PARD3: variants seen among roughly 807,000 people sequenced by gnomAD.
PARD3 encodes the protein par-3 family cell polarity regulator.
PARD3 carries 75 observed loss-of-function variants against 155.4 expected under a neutral mutation model. That is an observed-to-expected ratio of 0.48 (90% CI 0.40 to 0.58). The LOEUF is 0.58. Ranked by LOEUF, PARD3 falls within the 20% of genes least tolerant of loss-of-function variation. The probability of loss-of-function intolerance (pLI) is 0.00; values close to 1 mark genes in which losing one functional copy is unlikely to be tolerated. For synonymous variants in PARD3, 576 were observed against 610.5 expected, an observed-to-expected ratio of 0.94 and a Z score of 0.83; for missense variants, 1,642 against 1,721.7, an observed-to-expected ratio of 0.95 and a Z score of 0.82.
At chr10:34,681,730 TTATATATATATATA>T (rs71487904) in intron 2 of PARD3, among the ~76,000 whole-genome samples, 559 of 29,942 alleles carry the variant, frequency 0.019, 20 homozygotes, top group African/African-American at 0.052. Flanking sequence ...CGTATGTATT[TTATATATATATATA>T]TATATATATA....
chr10:34,245,922 T>C (rs1045964255), intron 22 of PARD3, among the ~76,000 whole-genome samples: 6 of 152,092 alleles, frequency 3.9e-5, no homozygotes, highest in African/African-American at 1.4e-4. Context: ...ATCATACCAG[T>C]GACAGCTGAA....
At chr10:34,360,046 T>C in intron 13 of PARD3, 25 bp downstream of exon 13, 3 of 1,581,124 alleles carry the variant, frequency 1.9e-6, no homozygotes, top group Non-Finnish European at 2.6e-6. Context: ...TTAATAGGCA[T>C]ACGCATGATA....
chr10:34,766,370 A>G (rs1393123974), intron 1 of PARD3, among the ~76,000 whole-genome samples: 1 of 152,200 alleles, frequency 6.6e-6, no homozygotes, highest in African/African-American at 2.4e-5. Flanking sequence ...TTCAACACAG[A>G]CATCTGCTCT....
chr10:34,553,126 G>A (rs988150983), intron 2 of PARD3, among the ~76,000 whole-genome samples: 7 of 152,126 alleles, frequency 4.6e-5, no homozygotes, highest in Admixed American at 3.9e-4. Flanking sequence ...GAGGTTAATC[G>A]CCATCGATCC....
intron 2 of PARD3, among the ~76,000 whole-genome samples, chr10:34,525,770 C>A (rs2082432290): frequency 6.6e-6 from 1 of 151,586 alleles, no homozygotes; most frequent in South Asian, 2.1e-4. Flanking sequence ...GCCTCTGTGC[C>A]CGGCCAAAAT....
At chr10:34,759,222 G>A (rs76584908) in intron 1 of PARD3, among the ~76,000 whole-genome samples, 3,661 of 150,928 alleles carry the variant, frequency 0.024, 150 homozygotes, top group African/African-American at 0.085. Context: ...AATATACTAC[G>A]GCATAGAAAA....
intron 22 of PARD3, among the ~76,000 whole-genome samples, chr10:34,212,337 G>T (rs549908074): frequency 8.5e-4 from 130 of 152,214 alleles, no homozygotes; most frequent in Admixed American, 4.4e-3. Context: ...GGATCTGGTG[G>T]TTGTCAACAC....
At chr10:34,456,477 T>A (rs560323125) in intron 4 of PARD3, among the ~76,000 whole-genome samples, 2 of 152,042 alleles carry the variant, frequency 1.3e-5, no homozygotes, top group Middle Eastern at 3.2e-3. Flanking sequence ...TTTGTATTTT[T>A]AGTAGAGACA....
At chr10:34,586,983 C>G (rs532910253) in intron 2 of PARD3, among the ~76,000 whole-genome samples, 8 of 152,104 alleles carry the variant, frequency 5.3e-5, no homozygotes, top group Non-Finnish European at 4.4e-5. Context: ...AGGGGTGATA[C>G]GGGACAAACT....
chr10:34,289,738 G>A (rs970673056), intron 20 of PARD3, among the ~76,000 whole-genome samples: 1 of 152,066 alleles, frequency 6.6e-6, no homozygotes, highest in Non-Finnish European at 1.5e-5. Context: ...CTTCATAAAG[G>A]ACACAGCAAT....
intron 2 of PARD3, among the ~76,000 whole-genome samples, chr10:34,598,497 T>C (rs1411297902): frequency 6.6e-6 from 1 of 152,220 alleles, no homozygotes; most frequent in Non-Finnish European, 1.5e-5. Flanking sequence ...ACTGTAACTT[T>C]TCAGAGCACT....
At chr10:34,531,418 G>A (rs964078310) in intron 2 of PARD3, among the ~76,000 whole-genome samples, 2 of 152,068 alleles carry the variant, frequency 1.3e-5, no homozygotes, top group East Asian at 3.9e-4. Context: ...AAATTCTCCA[G>A]CTTTAAATCC....
At position 34,727,384 on chromosome 10, in the gene PARD3, A is replaced by G. The variant is rs145260305; in HGVS notation, c.121-30965T>C. ...ATTTCTCAGGCTGGCCATGACAGAC[A>G]TCATTAAAACAATGTGTTCTAGCCT... On this transcript the variant is annotated intron_variant, in intron 1 of 24. Transcript: ENST00000374788. 5.8e-4 allele frequency among the ~76,000 whole-genome samples: 88 copies of G among 152,330 alleles called. 2 individuals carry two copies. In the East Asian group the frequency reaches 0.016, roughly 28 times the overall value.
intron 2 of PARD3, among the ~76,000 whole-genome samples, chr10:34,609,394 A>C (rs765724958): frequency 9.8e-5 from 15 of 152,324 alleles, no homozygotes; most frequent in Non-Finnish European, 2.1e-4. Context: ...GGAAATTTCA[A>C]ACAATGCAAG....
intron 2 of PARD3, among the ~76,000 whole-genome samples, chr10:34,537,268 CACTGGG>C (rs2083290193): frequency 6.6e-6 from 1 of 152,190 alleles, no homozygotes; most frequent in African/African-American, 2.4e-5. Context: ...CCTCCCAAAG[CACTGGG>C]ATGAGCCACC....
At chr10:34,796,861 T>A (rs1842314502) in intron 1 of PARD3, among the ~76,000 whole-genome samples, 1 of 152,158 alleles carries the variant, frequency 6.6e-6, no homozygotes, top group African/African-American at 2.4e-5. Flanking sequence ...GGTGCATGCC[T>A]GTAATCCCAG....
intron 4 of PARD3, among the ~76,000 whole-genome samples, chr10:34,461,632 G>C: frequency 6.6e-6 from 1 of 152,004 alleles, no homozygotes; most frequent in East Asian, 1.9e-4. Context: ...TAAATAAAAA[G>C]ATGAAATGAG....
intron 5 of PARD3, among the ~76,000 whole-genome samples, chr10:34,404,809 G>A (rs1376694787): frequency 6.6e-6 from 1 of 151,994 alleles, no homozygotes; most frequent in African/African-American, 2.4e-5. Flanking sequence ...CCTTGGCTGG[G>A]CTTAGTGGCT....
intron 1 of PARD3, among the ~76,000 whole-genome samples, chr10:34,802,331 C>T (rs531264890): frequency 6.6e-6 from 1 of 151,508 alleles, no homozygotes; most frequent in Non-Finnish European, 1.5e-5. Flanking sequence ...AAAAACAACA[C>T]TTGATGTCAT....
Sources: gnomAD v4.1 joint callset for allele counts (sites outside exome capture counted in the v4.1 genomes callset) on GRCh38, gnomAD v4.1.1 for gene constraint, MANE v1.5 for transcripts, NCBI Gene and HGNC (gene_info 2026-07-23, HGNC 2026-07-21) for gene names.